Variants in MACROD2 observed in about 807,000 individuals in gnomAD.
MACROD2 encodes the protein mono-ADP ribosylhydrolase 2.
In MACROD2, 36 loss-of-function variants were observed where a neutral mutation model predicts 70.4. The observed-to-expected ratio is 0.51, with a 90% CI of 0.39 to 0.68. The LOEUF (loss-of-function observed/expected upper bound fraction) is 0.68, where lower values mean the gene tolerates loss of function less well. Among genes scored for constraint, MACROD2 ranks in the 30% least tolerant of loss-of-function variants. MACROD2 has a pLI of 0.00. For synonymous variants in MACROD2, 172 were observed against 178.8 expected, an observed-to-expected ratio of 0.96 and a Z score of 0.30; for missense variants, 496 against 538.4, an observed-to-expected ratio of 0.92 and a Z score of 0.78.
chr20:14,140,240 C>T (rs1362341194), intron 3 of MACROD2, among the ~76,000 whole-genome samples: 1 of 152,152 alleles, frequency 6.6e-6, no homozygotes, highest in Non-Finnish European at 1.5e-5. Context: ...TAGGTAAACT[C>T]TGGCTTTCTT....
chr20:14,851,631 T>A (rs1173718535), intron 5 of MACROD2, among the ~76,000 whole-genome samples: 1 of 152,190 alleles, frequency 6.6e-6, no homozygotes, highest in Non-Finnish European at 1.5e-5. Flanking sequence ...AAAAAATGAT[T>A]GCCCTTAATT....
At chr20:15,007,147 A>G (rs112495170) in intron 5 of MACROD2, among the ~76,000 whole-genome samples, 15,222 of 151,800 alleles carry the variant, frequency 0.1, 1,724 homozygotes, top group African/African-American at 0.28. Context: ...GGCGGATCAC[A>G]AGGTCAGGAG....
At chr20:15,740,107 C>T (rs1249610188) in intron 8 of MACROD2, among the ~76,000 whole-genome samples, 3 of 152,080 alleles carry the variant, frequency 2.0e-5, no homozygotes, top group African/African-American at 4.8e-5. Flanking sequence ...GGGTCTCAGG[C>T]GCTATGACCA....
chr20:15,693,076 A>G (rs150149385), intron 8 of MACROD2, among the ~76,000 whole-genome samples: 7 of 152,134 alleles, frequency 4.6e-5, no homozygotes, highest in African/African-American at 1.2e-4. Flanking sequence ...AGGCCTTCCA[A>G]TCATGCTTCC....
At chr20:14,713,924 G>A (rs948048755) in intron 5 of MACROD2, among the ~76,000 whole-genome samples, 2 of 152,172 alleles carry the variant, frequency 1.3e-5, no homozygotes, top group African/African-American at 4.8e-5. Context: ...GAAAGGATGG[G>A]CAGGATTTAG....
intron 5 of MACROD2, among the ~76,000 whole-genome samples, chr20:14,946,709 C>G (rs951261277): frequency 4.6e-5 from 7 of 152,136 alleles, no homozygotes; most frequent in Non-Finnish European, 1.0e-4. Flanking sequence ...ATTAGTTTAT[C>G]AGTTTAGAGA....
intron 4 of MACROD2, among the ~76,000 whole-genome samples, chr20:14,521,151 C>G (rs1035986877): frequency 6.6e-6 from 1 of 152,182 alleles, no homozygotes; most frequent in African/African-American, 2.4e-5. Flanking sequence ...AATGTCATCT[C>G]TTCCATATGC....
At chr20:15,509,197 T>A (rs933370404) in intron 8 of MACROD2, among the ~76,000 whole-genome samples, 12 of 152,236 alleles carry the variant, frequency 7.9e-5, no homozygotes, top group Non-Finnish European at 1.5e-4. Flanking sequence ...ATTAGAGTGC[T>A]TTTTATAAAA....
chr20:14,767,638 C>CT (rs200615259), intron 5 of MACROD2, among the ~76,000 whole-genome samples: 5 of 151,904 alleles, frequency 3.3e-5, no homozygotes, highest in South Asian at 2.1e-4. Context: ...TACTTTCTTT[C>CT]TTTTTTTTAA....
chr20:14,190,694 ATATATTTTTTTTTTTTTTT>A, intron 3 of MACROD2, among the ~76,000 whole-genome samples: 1 of 38,988 alleles, frequency 2.6e-5, no homozygotes, highest in African/African-American at 1.0e-4. Context: ...ATATATATAT[ATATATTTTTTTTTTTTTTT>A]TTTTTTTTTT....
chr20:15,396,292 G>T (rs1291303793), intron 6 of MACROD2, among the ~76,000 whole-genome samples: 1 of 152,164 alleles, frequency 6.6e-6, no homozygotes, highest in Non-Finnish European at 1.5e-5. Context: ...TTTACTTTGA[G>T]CTCCCTAGTA....
At chr20:14,274,523 A>G (rs1253148636) in intron 3 of MACROD2, among the ~76,000 whole-genome samples, 1 of 152,166 alleles carries the variant, frequency 6.6e-6, no homozygotes, top group Non-Finnish European at 1.5e-5. Flanking sequence ...CTCTATGACA[A>G]ACCCACAGCC....
At chr20:15,715,155 C>T (rs1227659435) in intron 8 of MACROD2, among the ~76,000 whole-genome samples, 1 of 151,914 alleles carries the variant, frequency 6.6e-6, no homozygotes, top group East Asian at 1.9e-4. Context: ...TATAAAATGC[C>T]ATTATGTCCA....
At chr20:14,536,524 G>T (rs1009455349) in intron 4 of MACROD2, among the ~76,000 whole-genome samples, 6 of 151,976 alleles carry the variant, frequency 3.9e-5, no homozygotes, top group African/African-American at 1.5e-4. Context: ...TATTAACATG[G>T]TTAAATGCAA....
chr20:14,834,953 G>A (rs2073012486), intron 5 of MACROD2, among the ~76,000 whole-genome samples: 1 of 151,776 alleles, frequency 6.6e-6, no homozygotes, highest in South Asian at 2.1e-4. Flanking sequence ...TACATATATA[G>A]ACTCTCTATA....
At chr20:15,573,592 A>G (rs1041214685) in intron 8 of MACROD2, among the ~76,000 whole-genome samples, 11 of 152,182 alleles carry the variant, frequency 7.2e-5, no homozygotes, top group Non-Finnish European at 7.3e-5. Flanking sequence ...AGCCAGATAA[A>G]CAATTCTATT....
At chr20:14,562,179 A>G (rs916047875) in intron 4 of MACROD2, among the ~76,000 whole-genome samples, 23 of 151,966 alleles carry the variant, frequency 1.5e-4, no homozygotes, top group African/African-American at 5.5e-4. Context: ...GGTAAAACCA[A>G]TGGCCATAAT....
chr20:15,235,875 G>T (rs1236206517), intron 6 of MACROD2, among the ~76,000 whole-genome samples: 1 of 152,136 alleles, frequency 6.6e-6, no homozygotes, highest in Non-Finnish European at 1.5e-5. Flanking sequence ...CTCTTCTACA[G>T]GGCTGTCAAT....
At position 14,163,276 on chromosome 20, in the gene MACROD2, A is replaced by G. The variant is rs770253852; in HGVS notation, c.271+77548A>G. ...TCAGCTCTTGTGAATATATCATCCT[A>G]AACTCTTTTGACCTGTAAGCTTTCT... On this transcript the variant is annotated intron_variant, in intron 3 of 17. Coordinates refer to ENST00000684519, the MANE Select transcript of MACROD2 (RefSeq NM_001351661.2). Among the ~76,000 whole-genome samples the G allele has an allele frequency of 5.5e-4, 84 of 152,134 alleles. 1 individual carries two copies. The highest frequency in any genetic ancestry group is 1.8e-4 in the Non-Finnish European group (12 of 68,002).
Sources: gnomAD v4.1 joint callset for allele counts (sites outside exome capture counted in the v4.1 genomes callset) on GRCh38, gnomAD v4.1.1 for gene constraint, MANE v1.5 for transcripts, NCBI Gene and HGNC (gene_info 2026-07-23, HGNC 2026-07-21) for gene names.